The following SIPA1L3 variants were observed in gnomAD, a reference collection of about 807,000 sequenced individuals.
SIPA1L3 encodes signal induced proliferation associated 1 like 3.
In SIPA1L3, 59 loss-of-function variants were observed where a neutral mutation model predicts 150.1. The observed-to-expected ratio is 0.39, with a 90% CI of 0.32 to 0.49. SIPA1L3 has a LOEUF of 0.49. SIPA1L3 is among the 20% of genes least tolerant of loss of function. SIPA1L3 has a pLI of 0.86. For synonymous variants in SIPA1L3, 1,070 were observed against 1,077.6 expected, an observed-to-expected ratio of 0.99 and a Z score of 0.14; for missense variants, 2,211 against 2,489.5, an observed-to-expected ratio of 0.89 and a Z score of 2.38.
chr19:37,933,343 C>T (rs887557940), intron 1 of SIPA1L3, among the ~76,000 whole-genome samples: 6 of 152,188 alleles, frequency 3.9e-5, no homozygotes, highest in African/African-American at 1.4e-4. Context: ...GTTCAGATGT[C>T]ACCTTCTCCA....
At chr19:38,121,204 C>T (rs763178619) in intron 9 of SIPA1L3, among the ~76,000 whole-genome samples, 6 of 152,002 alleles carry the variant, frequency 3.9e-5, no homozygotes, top group East Asian at 3.9e-4. Context: ...ATAAATTAGC[C>T]GAGGCAGGTA....
intron 10 of SIPA1L3, among the ~76,000 whole-genome samples, chr19:38,132,070 G>C (rs1158048809): frequency 4.0e-5 from 6 of 151,530 alleles, no homozygotes; most frequent in African/African-American, 1.5e-4. Flanking sequence ...CCCCGTCTCT[G>C]CATCTCTGCA....
rs543331781 is a variant in SIPA1L3 at position 38,182,938 on chromosome 19, C to A, written c.4430+198C>A. On this transcript the variant is annotated intron_variant, in intron 16 of 21. Transcript: ENST00000222345. ...GAGCTGGCATTCCATTTGGGGTGAC[C>A]AACAATAAGTAGAATAAGAGAAGCA... is the stretch of plus-strand genomic sequence containing the variant. 36 of 550,650 alleles carry A rather than the reference C, an allele frequency of 6.5e-5. 1 individual carries two copies. The South Asian group carries it at 9.7e-4, about 15-fold the overall frequency. The allele number at this position is 550,650 out of a possible 1,614,324, so 34.1% of individuals were successfully genotyped here. A position where few individuals can be genotyped will look rare whatever the true frequency, so the allele number is the denominator to read the frequency against.
chr19:38,098,647 G>A (rs1349725625), intron 4 of SIPA1L3, among the ~76,000 whole-genome samples: 3 of 152,146 alleles, frequency 2.0e-5, no homozygotes, highest in South Asian at 4.1e-4. Flanking sequence ...CGCCCGCCTC[G>A]GCCTCCCAAA....
At chr19:38,069,044 G>A (rs984909728) in intron 2 of SIPA1L3, among the ~76,000 whole-genome samples, 1 of 152,124 alleles carries the variant, frequency 6.6e-6, no homozygotes, top group African/African-American at 2.4e-5. Context: ...GCCCACATGT[G>A]AGAACAAATA....
At chr19:37,970,679 T>C (rs935479561) in intron 1 of SIPA1L3, among the ~76,000 whole-genome samples, 3 of 152,234 alleles carry the variant, frequency 2.0e-5, no homozygotes, top group East Asian at 3.8e-4. Context: ...GCATGGAGGC[T>C]GTGCCGTGGA....
At chr19:38,027,364 G>A (rs1968538211) in intron 1 of SIPA1L3, among the ~76,000 whole-genome samples, 1 of 152,108 alleles carries the variant, frequency 6.6e-6, no homozygotes, top group African/African-American at 2.4e-5. Context: ...CATGAGAAAG[G>A]TTAAGAACCC....
intron 9 of SIPA1L3, among the ~76,000 whole-genome samples, chr19:38,124,031 C>A (rs1003548661): frequency 1.3e-5 from 2 of 151,204 alleles, no homozygotes; most frequent in African/African-American, 4.9e-5. Flanking sequence ...GGGCTCCTCA[C>A]CTCCCAGTAG....
rs1330836783 is a variant in SIPA1L3, at chr19:38,198,314, A to G, written c.4841-75A>G. 7.1e-6 allele frequency: 10 copies of G among 1,406,168 alleles called. No homozygotes were observed. The East Asian group carries it at 8.1e-5, about 11-fold the overall frequency. The allele number at this position is 1,406,168 out of a possible 1,614,324, so 87.1% of individuals were successfully genotyped here. ...GGCATGTAGCATCTCTGCATAAGCA[A>G]TGGGATGTCTTCATGTATTTGTGTC... On this transcript the variant is annotated intron_variant, in intron 18 of 21. Transcript: ENST00000222345.
rs1398797980 is a variant in SIPA1L3, at chr19:38,082,785, G to A, written c.1220G>A (p.Cys407Tyr). ...PAFTSTEDLN[C>Y]KENLEQDLGD... ...TTCACCAGCACAGAGGACCTAAACT[G>A]CAAGGAGAACTTGGAGCAGGACCTC... The change falls in exon 3 of 22, where the codon TGC (cysteine) becomes TAC (tyrosine). Residue 407 changes from cysteine to tyrosine, a missense_variant. Cys to Tyr is a radical substitution (Grantham distance 194). This residue lies in a region of SIPA1L3 where 587 missense variants were observed against 534.5 expected (regional missense o/e 1.10). Coordinates refer to ENST00000222345, the MANE Select transcript of SIPA1L3 (RefSeq NM_015073.3). The A allele has an allele frequency of 6.2e-7, 1 of 1,613,328 alleles. No individual in the cohort carries two copies. Among genetic ancestry groups the A allele is most frequent in the African/African-American group, 1.3e-5 (1 of 74,930 alleles).
intron 1 of SIPA1L3, among the ~76,000 whole-genome samples, chr19:37,913,110 C>T (rs1037417635): frequency 5.9e-5 from 9 of 152,118 alleles, no homozygotes; most frequent in Non-Finnish European, 1.2e-4. Context: ...AAGATGTGCA[C>T]TGAGCTTTTT....
At chr19:38,167,385 T>C (rs982840448) in intron 15 of SIPA1L3, among the ~76,000 whole-genome samples, 1 of 152,048 alleles carries the variant, frequency 6.6e-6, no homozygotes, top group Non-Finnish European at 1.5e-5. Flanking sequence ...CTCTGACAGA[T>C]ATTTGAAAAC....
chr19:38,025,009 T>A (rs1968469062), intron 1 of SIPA1L3, among the ~76,000 whole-genome samples: 1 of 152,172 alleles, frequency 6.6e-6, no homozygotes, highest in African/African-American at 2.4e-5. Context: ...AGGTTTAACT[T>A]AATTCTCGGC....
chr19:38,204,311 C>T (rs1973158137), intron 21 of SIPA1L3, 103 bp downstream of exon 21: 4 of 814,868 alleles, frequency 4.9e-6, no homozygotes, highest in Non-Finnish European at 8.0e-6. Context: ...ACCCACCCCA[C>T]CCCCACACCT....
At chr19:38,139,273 G>C (rs923406718) in intron 10 of SIPA1L3, among the ~76,000 whole-genome samples, 2 of 152,194 alleles carry the variant, frequency 1.3e-5, no homozygotes, top group Admixed American at 6.5e-5. Flanking sequence ...GCTAGTCATC[G>C]TGTCAGGGTG....
At chr19:38,183,006 G>A (rs1972594481) in intron 16 of SIPA1L3, 3 of 418,562 alleles carry the variant, frequency 7.2e-6, no homozygotes, top group African/African-American at 2.0e-5. Flanking sequence ...ATATCCGGGT[G>A]TGGAACATTC....
At chr19:38,020,299 T>C (rs1400397564) in intron 1 of SIPA1L3, among the ~76,000 whole-genome samples, 1 of 150,600 alleles carries the variant, frequency 6.6e-6, no homozygotes, top group Non-Finnish European at 1.5e-5. Flanking sequence ...CTGTTAGTAA[T>C]TTTTTTTTTC....
intron 1 of SIPA1L3, among the ~76,000 whole-genome samples, chr19:37,929,420 C>T (rs1265802892): frequency 6.6e-6 from 1 of 152,216 alleles, no homozygotes; most frequent in East Asian, 1.9e-4. Context: ...TTTGTAATTA[C>T]CTGAATCAGG....
At chr19:38,166,565 A>C (rs996050229) in intron 15 of SIPA1L3, among the ~76,000 whole-genome samples, 1 of 152,178 alleles carries the variant, frequency 6.6e-6, no homozygotes, top group African/African-American at 2.4e-5. Context: ...CACCTTCCAG[A>C]AAAGGGCACA....
Sources: gnomAD v4.1 joint callset for allele counts (sites outside exome capture counted in the v4.1 genomes callset) on GRCh38, gnomAD v4.1.1 for gene constraint, gnomAD v4.1.1 regional missense constraint, MANE v1.5 for transcripts, NCBI Gene and HGNC (gene_info 2026-07-23, HGNC 2026-07-21) for gene names.